The following CSMD1 variants were observed in gnomAD, a reference collection of about 807,000 sequenced individuals.
CSMD1 encodes the protein CUB and Sushi multiple domains 1, also known as CUB and sushi domain-containing protein 1.
Under a neutral mutation model 417.5 loss-of-function variants are expected in CSMD1, and 213 were observed. The ratio of observed to expected loss-of-function variants is 0.51; its 90% CI spans 0.46 to 0.57. The LOEUF (loss-of-function observed/expected upper bound fraction) is 0.57. CSMD1 is among the 20% of genes least tolerant of loss of function. The probability of loss-of-function intolerance (pLI) is 0.00; values close to 1 mark genes in which losing one functional copy is unlikely to be tolerated. For synonymous variants in CSMD1, 2,862 were observed against 1,736.8 expected, an observed-to-expected ratio of 1.65 and a Z score of -16.11; for missense variants, 6,923 against 4,529.7, an observed-to-expected ratio of 1.53 and a Z score of -15.17.
At chr8:4,747,261 T>C (rs941891830) in intron 1 of CSMD1, among the ~76,000 whole-genome samples, 1 of 152,352 alleles carries the variant, frequency 6.6e-6, no homozygotes, top group South Asian at 2.1e-4. Context: ...TTTTCATAAG[T>C]AGTATTGAAA....
chr8:3,390,427 G>A (rs1016799980), intron 17 of CSMD1, among the ~76,000 whole-genome samples: 4 of 143,934 alleles, frequency 2.8e-5, no homozygotes, highest in Admixed American at 7.0e-5. Context: ...ATACATTTAT[G>A]ATAAACTAAG....
chr8:3,741,240 A>AAAC (rs1355261097), intron 6 of CSMD1, among the ~76,000 whole-genome samples: 1 of 147,548 alleles, frequency 6.8e-6, no homozygotes, highest in African/African-American at 2.5e-5. Context: ...AAAAAAAAAA[A>AAAC]ACATACAGAA....
intron 25 of CSMD1, among the ~76,000 whole-genome samples, chr8:3,295,457 C>T (rs887329811): frequency 2.0e-5 from 3 of 151,936 alleles, no homozygotes; most frequent in African/African-American, 7.3e-5. Context: ...ATGGGAGAGA[C>T]CGTTATACTG....
intron 1 of CSMD1, among the ~76,000 whole-genome samples, chr8:4,815,852 G>T (rs1399200601): frequency 2.0e-5 from 3 of 152,112 alleles, no homozygotes; most frequent in Non-Finnish European, 2.9e-5. Context: ...AAGGGCTGTG[G>T]TTGTTTTAAA....
chr8:4,196,171 A>G (rs1156605898), intron 3 of CSMD1, among the ~76,000 whole-genome samples: 1 of 152,184 alleles, frequency 6.6e-6, no homozygotes, highest in Admixed American at 6.5e-5. Context: ...AGATCGCGCC[A>G]CTGCACTCCA....
intron 3 of CSMD1, among the ~76,000 whole-genome samples, chr8:4,059,552 T>C (rs1033632524): frequency 1.3e-5 from 2 of 151,458 alleles, no homozygotes; most frequent in Non-Finnish European, 2.9e-5. Flanking sequence ...CTAGCAAGAC[T>C]AATAAAGAAA....
chr8:4,098,760 G>A (rs867273158), intron 3 of CSMD1, among the ~76,000 whole-genome samples: 12 of 152,120 alleles, frequency 7.9e-5, no homozygotes, highest in African/African-American at 1.9e-4. Flanking sequence ...TCCTTTGTCA[G>A]ACAGGGATAG....
At position 4,222,940 on chromosome 8, in the gene CSMD1, G is replaced by T. The variant is rs577224840; in HGVS notation, c.416-190841C>A. ...GCGTTTATAATCCAAGTCCTAAAAAGACATTTCTTAAAAAAAAAATAATTT... is the reference window on the plus strand; with the variant it reads ...GCGTTTATAATCCAAGTCCTAAAAATACATTTCTTAAAAAAAAAATAATTT... On this transcript the variant is annotated intron_variant, in intron 3 of 69. Transcript: ENST00000635120. Among the ~76,000 whole-genome samples, 10 of 151,986 alleles carry T rather than the reference G, an allele frequency of 6.6e-5. No individual in the cohort carries two copies. In the South Asian group the frequency reaches 2.1e-3, roughly 32 times the overall value.
chr8:3,007,957 G>A (rs1184466684), intron 52 of CSMD1, among the ~76,000 whole-genome samples: 4 of 151,988 alleles, frequency 2.6e-5, no homozygotes, highest in Non-Finnish European at 5.9e-5. Flanking sequence ...AGAAAGCTTT[G>A]TTACTGTTTG....
At chr8:3,907,506 A>T (rs575986669) in intron 5 of CSMD1, among the ~76,000 whole-genome samples, 1 of 152,202 alleles carries the variant, frequency 6.6e-6, no homozygotes, top group African/African-American at 2.4e-5. Context: ...ATTAAGTATC[A>T]TCTCACAGAA....
rs374235301 is a variant in CSMD1 at position 3,205,665 on chromosome 8, C to T, written c.4868-45G>A. The T allele has an allele frequency of 5.3e-5, 50 of 943,504 alleles. No individual in the cohort carries two copies. In the African/African-American group the frequency reaches 5.5e-4, roughly 10 times the overall value. The allele number at this position is 943,504 out of a possible 1,614,324, so 58.4% of individuals were successfully genotyped here. On this transcript the variant is annotated intron_variant, in intron 30 of 69. Coordinates refer to ENST00000635120, the MANE Select transcript of CSMD1 (RefSeq NM_033225.6). ...AGAATTAGTCGCTGTGCAATAATAG[C>T]GCAGGTGATAGGTGAGCCAAAGCTG... is the stretch of plus-strand genomic sequence containing the variant.
At chr8:4,874,688 C>T (rs989034787) in intron 1 of CSMD1, among the ~76,000 whole-genome samples, 7 of 151,754 alleles carry the variant, frequency 4.6e-5, no homozygotes, top group African/African-American at 1.7e-4. Flanking sequence ...TGTAGAATAG[C>T]TAACAGTGAA....
chr8:3,543,831 G>C (rs980507045), intron 10 of CSMD1, among the ~76,000 whole-genome samples: 4 of 152,230 alleles, frequency 2.6e-5, no homozygotes, highest in East Asian at 1.9e-4. Context: ...TTTTGGTAGA[G>C]GTTAGCAGAT....
intron 3 of CSMD1, among the ~76,000 whole-genome samples, chr8:4,324,960 G>C (rs892849719): frequency 7.2e-5 from 11 of 152,130 alleles, no homozygotes; most frequent in African/African-American, 2.2e-4. Flanking sequence ...ATTTGGAAAG[G>C]ATATCATTAT....
intron 26 of CSMD1, among the ~76,000 whole-genome samples, chr8:3,252,563 G>T (rs1233783803): frequency 6.6e-6 from 1 of 152,184 alleles, no homozygotes; most frequent in Non-Finnish European, 1.5e-5. Flanking sequence ...GTATCAGGAT[G>T]ATGCTGGCCT....
intron 2 of CSMD1, among the ~76,000 whole-genome samples, chr8:4,499,891 A>G (rs1236635300): frequency 6.6e-6 from 1 of 152,220 alleles, no homozygotes; most frequent in Non-Finnish European, 1.5e-5. Context: ...TTAGTATTGT[A>G]TTCATTGCCA....
At chr8:2,994,145 C>CAAAAAAAAAAAAA (rs35438493) in intron 54 of CSMD1, among the ~76,000 whole-genome samples, 35 of 30,524 alleles carry the variant, frequency 1.1e-3, no homozygotes, top group African/African-American at 3.8e-3. Flanking sequence ...AACTCCATCT[C>CAAAAAAAAAAAAA]AAAAAAAAAA....
chr8:4,982,151 G>A (rs1325145892), intron 1 of CSMD1, among the ~76,000 whole-genome samples: 1 of 152,204 alleles, frequency 6.6e-6, no homozygotes, highest in East Asian at 1.9e-4. Flanking sequence ...GAGACCTTAA[G>A]CAGAGACCCA....
intron 3 of CSMD1, among the ~76,000 whole-genome samples, chr8:4,283,014 C>A (rs1023993772): frequency 6.6e-6 from 1 of 151,940 alleles, no homozygotes; most frequent in Admixed American, 6.6e-5. Context: ...TGCATTGTAT[C>A]CCTTTGATTA....
Sources: gnomAD v4.1 joint callset for allele counts (sites outside exome capture counted in the v4.1 genomes callset) on GRCh38, gnomAD v4.1.1 for gene constraint, MANE v1.5 for transcripts, NCBI Gene and HGNC (gene_info 2026-07-23, HGNC 2026-07-21) for gene names.